Variants in SEMA3A observed in about 807,000 individuals in gnomAD.
SEMA3A encodes the protein semaphorin-3A.
In SEMA3A, 29 loss-of-function variants were observed where a neutral mutation model predicts 97.9. The observed-to-expected ratio is 0.30, with a 90% confidence interval of 0.22 to 0.40. The LOEUF (loss-of-function observed/expected upper bound fraction) is 0.40, where lower values mean the gene tolerates loss of function less well. Among genes scored for constraint, SEMA3A ranks in the 10% least tolerant of loss-of-function variants. SEMA3A has a pLI of 1.00. For synonymous variants in SEMA3A, 321 were observed against 323.7 expected (o/e 0.99, Z 0.09); for missense variants, 763 against 951.3 (o/e 0.80, Z 2.60).
chr7:84,480,990 G>A (rs1467195522), intron 1 of SEMA3A, among the ~76,000 whole-genome samples: 2 of 152,166 alleles, frequency 1.3e-5, no homozygotes, highest in African/African-American at 4.8e-5. Context: ...AAAATCTAAA[G>A]TTAGTAAGAA....
intron 1 of SEMA3A, among the ~76,000 whole-genome samples, chr7:84,463,311 C>G (rs1184605003): frequency 1.4e-5 from 2 of 138,150 alleles, no homozygotes; most frequent in Non-Finnish European, 3.0e-5. Context: ...TGCAGTGGCG[C>G]AATCTCGGCT....
intron 4 of SEMA3A, among the ~76,000 whole-genome samples, chr7:84,105,815 G>T (rs962851162): frequency 2.0e-5 from 3 of 152,146 alleles, no homozygotes; most frequent in Non-Finnish European, 4.4e-5. Flanking sequence ...TGGCATGGAT[G>T]CTGAGAGCTT....
At chr7:84,292,265 T>C (rs1459973284) in intron 3 of SEMA3A, among the ~76,000 whole-genome samples, 1 of 152,106 alleles carries the variant, frequency 6.6e-6, no homozygotes, top group Non-Finnish European at 1.5e-5. Flanking sequence ...AAATGCTGCC[T>C]AATTGTCAGT....
At position 84,133,825 on chromosome 7, in the gene SEMA3A, C is replaced by T. The variant is rs1298818383; in HGVS notation, c.270+969G>A. ...CAGCACTTTGAGAGGCCAAGGCGGGCGGATCACTTGATCAGGAGATCGAGA... is the reference window on the plus strand; with the variant it reads ...CAGCACTTTGAGAGGCCAAGGCGGGTGGATCACTTGATCAGGAGATCGAGA... On this transcript the variant is annotated intron_variant, in intron 2 of 16. Coordinates refer to ENST00000265362, the MANE Select transcript of SEMA3A (RefSeq NM_006080.3). Among the ~76,000 whole-genome samples, 3 of 141,840 alleles carry T rather than the reference C, an allele frequency of 2.1e-5. No homozygotes were observed. The East Asian group carries it at 6.4e-4, about 30-fold the overall frequency. 93.1% of individuals were successfully genotyped at this position (141,840 alleles called of 152,430 possible). A position where few individuals can be genotyped will look rare whatever the true frequency, so the allele number is the denominator to read the frequency against.
At chr7:84,168,067 C>A (rs1336015288) in intron 1 of SEMA3A, among the ~76,000 whole-genome samples, 1 of 151,922 alleles carries the variant, frequency 6.6e-6, no homozygotes, top group Non-Finnish European at 1.5e-5. Context: ...TGAGGTATTA[C>A]CTATGAAGAA....
chr7:84,354,072 A>G (rs4732548), intron 2 of SEMA3A, among the ~76,000 whole-genome samples: 43,441 of 151,460 alleles, frequency 0.29, 6,714 homozygotes, highest in African/African-American at 0.38. Flanking sequence ...ATTTTAGCTG[A>G]AAGTAAAGTT....
intron 3 of SEMA3A, among the ~76,000 whole-genome samples, chr7:84,291,406 G>A (rs1800742063): frequency 6.6e-6 from 1 of 151,858 alleles, no homozygotes; most frequent in South Asian, 2.1e-4. Flanking sequence ...ATAAGACTAA[G>A]GATTATCAGT....
chr7:84,148,527 TC>T (rs1796533563), intron 1 of SEMA3A, among the ~76,000 whole-genome samples: 1 of 152,148 alleles, frequency 6.6e-6, no homozygotes, highest in Non-Finnish European at 1.5e-5. Context: ...AAATCTGTCT[TC>T]CCCAATAGTG....
chr7:84,273,690 A>T (rs1800213494), intron 3 of SEMA3A, among the ~76,000 whole-genome samples: 1 of 152,136 alleles, frequency 6.6e-6, no homozygotes, highest in South Asian at 2.1e-4. Flanking sequence ...TGGTGATTAG[A>T]CATTCTGTAG....
intron 2 of SEMA3A, among the ~76,000 whole-genome samples, chr7:84,345,641 C>A (rs1406760007): frequency 1.3e-5 from 2 of 152,138 alleles, no homozygotes; most frequent in African/African-American, 4.8e-5. Flanking sequence ...TTCTTATACA[C>A]CCATAAGAAG....
intron 4 of SEMA3A, among the ~76,000 whole-genome samples, chr7:84,092,671 A>G (rs992152910): frequency 6.6e-6 from 1 of 152,158 alleles, no homozygotes; most frequent in Non-Finnish European, 1.5e-5. Flanking sequence ...AGATACTATT[A>G]TCTAGCAAAT....
intron 1 of SEMA3A, among the ~76,000 whole-genome samples, chr7:84,178,982 T>G (rs1462174075): frequency 2.0e-5 from 3 of 152,090 alleles, no homozygotes; most frequent in Non-Finnish European, 1.5e-5. Context: ...GTTCTTTGAT[T>G]CCTACTTCAA....
intron 12 of SEMA3A, among the ~76,000 whole-genome samples, chr7:83,995,240 C>G (rs546271031): frequency 9.9e-5 from 15 of 152,218 alleles, no homozygotes; most frequent in Admixed American, 4.6e-4. Context: ...GAGATGAACC[C>G]GGTACCTCAG....
rs183126257 is a variant in SEMA3A at position 84,138,865 on chromosome 7, A to T, written c.113-3914T>A. Among the ~76,000 whole-genome samples, 10 of 152,208 alleles carry T rather than the reference A, an allele frequency of 6.6e-5. No homozygotes were observed. The East Asian group carries it at 1.9e-3, about 29-fold the overall frequency. On this transcript the variant is annotated intron_variant, in intron 1 of 16. Coordinates refer to ENST00000265362, the MANE Select transcript of SEMA3A (RefSeq NM_006080.3). Reference sequence around the variant, plus strand: ...ACTTTCCAGTGTGAGATTAAATAGAAATTGGGTGAAATTTTATTCAATAGA... The same window carrying T: ...ACTTTCCAGTGTGAGATTAAATAGATATTGGGTGAAATTTTATTCAATAGA...
chr7:84,359,688 G>C (rs1051469571), intron 2 of SEMA3A, among the ~76,000 whole-genome samples: 1 of 152,126 alleles, frequency 6.6e-6, no homozygotes, highest in Admixed American at 6.6e-5. Context: ...TTTTTCTATT[G>C]ATTGGAATAG....
At chr7:84,364,204 A>G (rs633234) in intron 2 of SEMA3A, among the ~76,000 whole-genome samples, 2 of 151,376 alleles carry the variant, frequency 1.3e-5, no homozygotes, top group Non-Finnish European at 3.0e-5. Flanking sequence ...CCTTTTAGGA[A>G]CCTCAGTGAT....
intron 3 of SEMA3A, among the ~76,000 whole-genome samples, chr7:84,127,351 C>T (rs933258903): frequency 2.0e-5 from 3 of 152,010 alleles, no homozygotes; most frequent in East Asian, 1.9e-4. Context: ...ATCCACAATT[C>T]CCATTACTCC....
chr7:84,476,754 C>T (rs1806293526), intron 1 of SEMA3A, among the ~76,000 whole-genome samples: 1 of 152,036 alleles, frequency 6.6e-6, no homozygotes, highest in Non-Finnish European at 1.5e-5. Context: ...ATTCCAGATT[C>T]TTACATTGTA....
At chr7:84,348,450 T>C (rs1282879811) in intron 2 of SEMA3A, among the ~76,000 whole-genome samples, 1 of 152,198 alleles carries the variant, frequency 6.6e-6, no homozygotes, top group Non-Finnish European at 1.5e-5. Context: ...TTTCTGAAGG[T>C]ATGTTCTAAA....
Sources: gnomAD v4.1 joint callset for allele counts (sites outside exome capture counted in the v4.1 genomes callset) on GRCh38, gnomAD v4.1.1 for gene constraint, MANE v1.5 for transcripts, NCBI Gene and HGNC (gene_info 2026-07-23, HGNC 2026-07-21) for gene names.